PTPDC1: variants seen among roughly 807,000 people sequenced by gnomAD.
PTPDC1 encodes protein tyrosine phosphatase domain containing 1.
Under a neutral mutation model 75.3 loss-of-function variants are expected in PTPDC1, and 53 were observed. The ratio of observed to expected loss-of-function variants is 0.70; its 90% CI spans 0.56 to 0.88. The LOEUF is 0.88. PTPDC1 is among the 40% of genes least tolerant of loss of function. The probability of loss-of-function intolerance (pLI) is 0.00; values close to 1 mark genes in which losing one functional copy is unlikely to be tolerated. For missense variants in PTPDC1, 925 were observed against 998.6 expected (o/e 0.93, Z 0.99); for synonymous variants, 349 against 366.2 (o/e 0.95, Z 0.54).
At chr9:94,049,133 C>G (rs1020784263) in intron 1 of PTPDC1, among the ~76,000 whole-genome samples, 1 of 152,030 alleles carries the variant, frequency 6.6e-6, no homozygotes, top group Non-Finnish European at 1.5e-5. Flanking sequence ...AATACAGCAC[C>G]CTGTTGGGTC....
intron 1 of PTPDC1, among the ~76,000 whole-genome samples, chr9:94,048,773 T>TCTC (rs1825694637): frequency 6.6e-6 from 1 of 152,188 alleles, no homozygotes; most frequent in Non-Finnish European, 1.5e-5. Context: ...TAACTTTCTG[T>TCTC]ATAGCTGATC....
In PTPDC1 at chr9:94,063,092, A is replaced by G. The variant is rs554586691; in HGVS notation, c.-6-1642A>G. On this transcript the variant is annotated intron_variant, in intron 1 of 9. Transcript: ENST00000375360. ...TGAGGGCAGGGAAAGCTTCACAAAA[A>G]AAGTGATGACTGGTCCAAGTTTGTC... Among the ~76,000 whole-genome samples, 105 of 152,324 alleles carry G rather than the reference A, an allele frequency of 6.9e-4. 1 individual carries two copies. The highest frequency in any genetic ancestry group is 5.7e-3 in the Admixed American group (87 of 15,306).
chr9:94,037,197 A>G (rs963424312), intron 1 of PTPDC1, among the ~76,000 whole-genome samples: 1 of 152,224 alleles, frequency 6.6e-6, no homozygotes, highest in East Asian at 1.9e-4. Context: ...CTAGGAATTT[A>G]CATTTTCTCC....
chr9:94,079,435 G>A (rs562995669), intron 2 of PTPDC1, among the ~76,000 whole-genome samples: 1 of 152,284 alleles, frequency 6.6e-6, no homozygotes, highest in African/African-American at 2.4e-5. Flanking sequence ...TGGGTCATCT[G>A]TTGCCCTACA....
At chr9:94,063,319 T>G (rs1826200676) in intron 1 of PTPDC1, among the ~76,000 whole-genome samples, 1 of 152,230 alleles carries the variant, frequency 6.6e-6, no homozygotes, top group Non-Finnish European at 1.5e-5. Context: ...TAAAATATGG[T>G]AAAAAATGTT....
At chr9:94,075,115 C>T (rs1826641018) in intron 2 of PTPDC1, among the ~76,000 whole-genome samples, 1 of 138,116 alleles carries the variant, frequency 7.2e-6, no homozygotes, top group South Asian at 2.1e-4. Context: ...GCAGCACTGC[C>T]CATTTCTATC....
intron 1 of PTPDC1, among the ~76,000 whole-genome samples, chr9:94,041,064 C>T (rs912717686): frequency 6.6e-6 from 1 of 152,196 alleles, no homozygotes; most frequent in Non-Finnish European, 1.5e-5. Context: ...CTGATCTCTA[C>T]ATCTTCCTTC....
At chr9:94,087,954 G>T in intron 3 of PTPDC1, 43 bp downstream of exon 3, 1 of 1,558,762 alleles carries the variant, frequency 6.4e-7, no homozygotes, top group Non-Finnish European at 8.8e-7. Context: ...AAACTCATGT[G>T]TTTTTTTCTT....
intron 2 of PTPDC1, among the ~76,000 whole-genome samples, chr9:94,075,320 G>A (rs987455689): frequency 6.6e-5 from 10 of 152,238 alleles, no homozygotes; most frequent in East Asian, 1.9e-4. Context: ...TTATCTCTCC[G>A]ACACCACCTG....
intron 4 of PTPDC1, among the ~76,000 whole-genome samples, chr9:94,092,585 A>G (rs557416174): frequency 2.6e-5 from 4 of 152,132 alleles, no homozygotes; most frequent in Admixed American, 2.0e-4. Flanking sequence ...AGAGTTCTGT[A>G]GATGTCTATT....
chr9:94,095,476 A>G, intron 5 of PTPDC1, 22 bp downstream of exon 5: 1 of 1,583,966 alleles, frequency 6.3e-7, no homozygotes, highest in Non-Finnish European at 8.6e-7. Context: ...GAGGTGGTTT[A>G]TTGCCTGTAG....
intron 1 of PTPDC1, among the ~76,000 whole-genome samples, chr9:94,043,133 T>C (rs1303821266): frequency 6.6e-6 from 1 of 152,198 alleles, no homozygotes; most frequent in African/African-American, 2.4e-5. Context: ...TCTTCCTAAC[T>C]CCTGTTAATG....
At chr9:94,040,575 TAAC>T (rs1163627040) in intron 1 of PTPDC1, among the ~76,000 whole-genome samples, 3 of 151,992 alleles carry the variant, frequency 2.0e-5, no homozygotes, top group Admixed American at 6.6e-5. Context: ...ATTTGAGTAA[TAAC>T]AATAACAAAA....
intron 1 of PTPDC1, among the ~76,000 whole-genome samples, chr9:94,043,550 C>A (rs114535113): frequency 2.2e-3 from 333 of 152,212 alleles, no homozygotes; most frequent in African/African-American, 7.2e-3. Context: ...TGACTCCCCC[C>A]CTCTACAAAA....
intron 1 of PTPDC1, among the ~76,000 whole-genome samples, chr9:94,050,946 G>T (rs999150007): frequency 1.3e-5 from 2 of 152,156 alleles, no homozygotes; most frequent in African/African-American, 2.4e-5. Context: ...CTGCCACCTT[G>T]CCGTTTGATC....
intron 8 of PTPDC1, among the ~76,000 whole-genome samples, chr9:94,106,076 T>C (rs927669148): frequency 1.3e-5 from 2 of 152,184 alleles, no homozygotes; most frequent in Non-Finnish European, 2.9e-5. Flanking sequence ...ATTCCTGAGC[T>C]TAACTGAAAA....
At chr9:94,058,523 A>G (rs1033267426) in intron 1 of PTPDC1, among the ~76,000 whole-genome samples, 2 of 151,028 alleles carry the variant, frequency 1.3e-5, no homozygotes, top group Admixed American at 6.6e-5. Flanking sequence ...ACATGGTGAA[A>G]TCCCATCTCT....
At position 94,101,714 on chromosome 9, in the gene PTPDC1, G is replaced by T. The variant is rs140276398; in HGVS notation, c.2162G>T (p.Arg721Leu). The T allele has an allele frequency of 6.2e-7, 1 of 1,611,998 alleles. No homozygotes were observed. Among genetic ancestry groups the T allele is most frequent in the Middle Eastern group, 1.7e-4 (1 of 6,054 alleles). The change falls in exon 7 of 9, where the codon CGA becomes CTA. Residue 721 changes from arginine to leucine, a missense_variant. By Grantham distance (102) the Arg-to-Leu change is moderately radical. Coordinates refer to ENST00000620992, the MANE Select transcript of PTPDC1 (RefSeq NM_001253829.2). ...GATGTGGACATGTTGGTTGACAGGC[G>T]AGCAGATGCCGCAGAAGCACTTTTT... ...KEDVDMLVDR[R>L]ADAAEALFLL... is the part of the protein sequence containing the mutation.
At chr9:94,095,242 T>TGGTCGCG in intron 4 of PTPDC1, 75 bp from the exon 5 acceptor site, 1 of 1,062,794 alleles carries the variant, frequency 9.4e-7, no homozygotes, top group Non-Finnish European at 1.3e-6. Context: ...TGTAGATCTG[T>TGGTCGCG]GTACTTTTCA....
Sources: gnomAD v4.1 joint callset for allele counts (sites outside exome capture counted in the v4.1 genomes callset) on GRCh38, gnomAD v4.1.1 for gene constraint, MANE v1.5 for transcripts, NCBI Gene and HGNC (gene_info 2026-07-23, HGNC 2026-07-21) for gene names.